The following IK variants were observed in gnomAD, a reference collection of about 807,000 sequenced individuals.
IK encodes protein Red.
A neutral mutation model predicts 90.9 loss-of-function variants in IK; 47 were observed. The ratio of observed to expected loss-of-function variants is 0.52; its 90% CI spans 0.41 to 0.66. The LOEUF (loss-of-function observed/expected upper bound fraction) is 0.66, where lower values mean the gene tolerates loss of function less well. Ranked by LOEUF, IK falls within the 30% of genes least tolerant of loss-of-function variation. The pLI, the probability that IK is intolerant of heterozygous loss-of-function variation, is 0.00. For synonymous variants in IK, 201 were observed against 227.5 expected (o/e 0.88, Z 1.05); for missense variants, 385 against 709.3 (o/e 0.54, Z 5.19).
At chr5:140,651,438 TAAA>T (rs79493817) in intron 2 of IK, among the ~76,000 whole-genome samples, 6 of 111,926 alleles carry the variant, frequency 5.4e-5, no homozygotes, top group African/African-American at 3.4e-5. Flanking sequence ...GACTCTGTCT[TAAA>T]AAAAAAAAAA....
Position 140,662,220 on chromosome 5 carries a change from G to A in IK, c.1646+7G>A, listed in dbSNP as rs771825972. ...AGAAGATGGAAGCTGATGGGTGAGC[G>A]GCATTATTCTTCCTCTGTGGGACTG... On this transcript the variant is annotated splice_region_variant and intron_variant, in intron 19 of 19. Coordinates refer to ENST00000417647, the MANE Select transcript of IK (RefSeq NM_006083.4). 4 of 1,613,818 alleles carry A rather than the reference G, an allele frequency of 2.5e-6. No individual in the cohort carries two copies. Among genetic ancestry groups the A allele is most frequent in the East Asian group, 4.5e-5 (2 of 44,884 alleles).
chr5:140,650,333 T>C (rs1757593902), intron 2 of IK, among the ~76,000 whole-genome samples: 1 of 152,176 alleles, frequency 6.6e-6, no homozygotes, highest in South Asian at 2.1e-4. Context: ...GGGAAAACTT[T>C]CTGTGAACTG....
chr5:140,662,418 GTGGA>G lies in IK; in HGVS notation c.*92_*95del. The G allele has an allele frequency of 1.5e-6, 2 of 1,363,696 alleles. No homozygotes were observed. Among genetic ancestry groups the G allele is most frequent in the South Asian group, 2.4e-5 (2 of 83,968 alleles). 84.5% of individuals were successfully genotyped at this position (1,363,696 alleles called of 1,614,324 possible). ...TCCAAAGGTTGCAAGATGTTTTTTT[GTGGA>G]TGAATATAAAATTTTATTGTGTAAT... On this transcript the variant is annotated 3_prime_UTR_variant, in exon 20 of 20. Transcript: ENST00000417647.
Position 140,659,626 on chromosome 5 carries a change from A to G in IK, c.1196-130A>G, listed in dbSNP as rs141054601. ...TCATCTCAACCAGAGTGACTCATTA[A>G]TTGGAGTTTGTTTAAAACTTTGTTA... On this transcript the variant is annotated intron_variant, in intron 13 of 19. Coordinates refer to ENST00000417647, the MANE Select transcript of IK (RefSeq NM_006083.4). 146 of 687,966 alleles carry G rather than the reference A, an allele frequency of 2.1e-4. No homozygotes were observed. In the East Asian group the frequency reaches 3.5e-3, roughly 17 times the overall value. The allele number at this position is 687,966 out of a possible 1,614,324, so 42.6% of individuals were successfully genotyped here. A position where few individuals can be genotyped will look rare whatever the true frequency, so the allele number is the denominator to read the frequency against.
At position 140,661,593 on chromosome 5, in the gene IK, C is replaced by G; in HGVS notation, c.1414-27C>G. ...ATTTCCACTGACATCTCTTCCTTCC[C>G]CATCCCCCGATTCTGTCCTGCAACA... On this transcript the variant is annotated intron_variant, in intron 16 of 19. Transcript: ENST00000417647. This position sits in a 1 kb window ranked among gnomAD's most constrained non-coding sequence, Gnocchi z 4.2. 1 of 1,519,704 alleles carries G rather than the reference C, an allele frequency of 6.6e-7. No individual in the cohort carries two copies. Among genetic ancestry groups the G allele is most frequent in the Non-Finnish European group, 9.0e-7 (1 of 1,107,524 alleles). 94.1% of individuals were successfully genotyped at this position (1,519,704 alleles called of 1,614,324 possible). A position where few individuals can be genotyped will look rare whatever the true frequency, so the allele number is the denominator to read the frequency against.
intron 15 of IK, 50 bp downstream of exon 15, chr5:140,660,245 G>A: frequency 8.9e-7 from 1 of 1,129,392 alleles, no homozygotes; most frequent in Non-Finnish European, 1.3e-6. Flanking sequence ...TGGGAAACAA[G>A]TTGGGGGTGA....
intron 4 of IK, among the ~76,000 whole-genome samples, chr5:140,652,530 T>G (rs1757630718): frequency 6.6e-6 from 1 of 152,198 alleles, no homozygotes; most frequent in Non-Finnish European, 1.5e-5. Flanking sequence ...ATCATCATTA[T>G]TATATCATCA....
At chr5:140,653,282 TG>T in intron 5 of IK, 138 bp downstream of exon 5, 2 of 612,996 alleles carry the variant, frequency 3.3e-6, no homozygotes, top group Non-Finnish European at 5.3e-6. Context: ...CACAAAGGGC[TG>T]TTCTTTTTTT....
intron 2 of IK, among the ~76,000 whole-genome samples, chr5:140,649,140 G>A (rs1025519719): frequency 2.0e-5 from 3 of 150,932 alleles, no homozygotes; most frequent in Non-Finnish European, 4.4e-5. Flanking sequence ...CCTGGCCCCC[G>A]ATAAAATCAT....
At chr5:140,656,743 A>G (rs1177427062) in intron 9 of IK, among the ~76,000 whole-genome samples, 1 of 152,222 alleles carries the variant, frequency 6.6e-6, no homozygotes. Context: ...CCATCCCGTT[A>G]AACATTTATC....
At position 140,654,024 on chromosome 5, in the gene IK, A is replaced by G. The variant is rs1163635836; in HGVS notation, c.491A>G (p.Lys164Arg). Reference sequence around the variant, plus strand: ...GACATGGAACACACCCATTTGGTGAAAGGCTTGGATTTTGCTCTGCTTCAA... The same window carrying G: ...GACATGGAACACACCCATTTGGTGAGAGGCTTGGATTTTGCTCTGCTTCAA... The part of the protein sequence containing the change: ...GGDMEHTHLV[K>R]GLDFALLQKV... The change falls in exon 6 of 20, where the codon AAA becomes AGA. Residue 164 changes from lysine to arginine, a missense_variant. Lys to Arg is a conservative substitution (Grantham distance 26, BLOSUM62 2). Transcript: ENST00000417647. 2 of 1,610,364 alleles carry G rather than the reference A, an allele frequency of 1.2e-6. No individual in the cohort carries two copies. The highest frequency in any genetic ancestry group is 3.3e-5 in the Admixed American group (2 of 59,990).
In IK at chr5:140,659,008, A is replaced by T. The variant is rs548127518; in HGVS notation, c.1020A>T (p.Arg340Ser). The T allele has an allele frequency of 6.2e-7, 1 of 1,613,732 alleles. No homozygotes were observed. The highest frequency in any genetic ancestry group is 8.5e-7 in the Non-Finnish European group (1 of 1,179,630). Residue 340 changes from arginine to serine, a missense_variant, in exon 12 of 20, where the codon AGA becomes AGT. This residue lies in a region of IK where 139 missense variants were observed against 172.0 expected (regional missense o/e 0.81). Coordinates refer to ENST00000417647, the MANE Select transcript of IK (RefSeq NM_006083.4). Reference protein sequence around the residue: ...TKTPRDKERERYRERERDRER... With the variant: ...TKTPRDKERESYRERERDRER... ...CACCTCGGGACAAGGAGCGGGAGAG[A>T]TATCGGGAACGGGAGCGTGATCGGG...
chr5:140,653,363 G>A (rs995410968), intron 5 of IK, among the ~76,000 whole-genome samples: 7 of 148,668 alleles, frequency 4.7e-5, no homozygotes, highest in Non-Finnish European at 8.9e-5. Flanking sequence ...CTTGGCTCAT[G>A]GCAAGCTCCG....
At position 140,661,974 on chromosome 5, in the gene IK, A is replaced by C; in HGVS notation, c.1578A>C (p.Ala526=). 6 of 1,611,084 alleles carry C rather than the reference A, an allele frequency of 3.7e-6. No individual in the cohort carries two copies. Among genetic ancestry groups the C allele is most frequent in the Non-Finnish European group, 5.1e-6 (6 of 1,178,564 alleles). Residue 526 remains alanine, a synonymous_variant, in exon 18 of 20, where the codon GCA becomes GCC. Coordinates refer to ENST00000417647, the MANE Select transcript of IK (RefSeq NM_006083.4). The surrounding 1 kb of genome is among the most constrained non-coding windows in gnomAD (Gnocchi z 4.2). ...GCTTCAAGGAAACCAATGACAAAGCAGAGCTTGATCGCCAGTGGAAGAAGA... is the reference window on the plus strand; with the variant it reads ...GCTTCAAGGAAACCAATGACAAAGCCGAGCTTGATCGCCAGTGGAAGAAGA... ...TRRFKETNDK[A]ELDRQWKKIS... is the part of the protein sequence containing the mutation.
intron 14 of IK, 107 bp downstream of exon 14, chr5:140,659,941 A>T: frequency 1.0e-6 from 1 of 970,534 alleles, no homozygotes; most frequent in Non-Finnish European, 1.6e-6. Context: ...CTTCCCTTTT[A>T]CGCTGAATTT....
chr5:140,652,098 G>C lies in IK; in HGVS notation c.187G>C (p.Glu63Gln). ...TCTCGTCTCTTCTAGGATGCCAAGG[G>C]AGTACAATGAGGATGAAGACCCAGC... Reference protein sequence around the residue: ...SKSRHHEMPREYNEDEDPAAR... With the variant: ...SKSRHHEMPRQYNEDEDPAAR... Residue 63 changes from glutamate to glutamine, a missense_variant, in exon 4 of 20, where the codon GAG (glutamate) becomes CAG (glutamine). Around this residue, in one of 8 missense-constraint regions of IK, gnomAD observed 64 missense variants for 144.6 expected, o/e 0.44. Transcript: ENST00000417647. 6.2e-7 allele frequency: 1 copy of C among 1,613,352 alleles called. No individual in the cohort carries two copies. Among genetic ancestry groups the C allele is most frequent in the African/African-American group, 1.3e-5 (1 of 75,010 alleles).
In IK at chr5:140,659,110, A is replaced by G. The variant is rs1757760145; in HGVS notation, c.1122A>G (p.Arg374=). The G allele has an allele frequency of 6.2e-7, 1 of 1,607,114 alleles. No homozygotes were observed. The highest frequency in any genetic ancestry group is 8.5e-7 in the Non-Finnish European group (1 of 1,176,710). Residue 374 remains arginine (R), a synonymous_variant, in exon 12 of 20, where the codon AGA becomes AGG. Coordinates refer to ENST00000417647, the MANE Select transcript of IK (RefSeq NM_006083.4). ...GAGAGCGAGAGCGGGACCGAGAGAGAGAAGAGGAAAAGAAGAGACACAGCT... is the reference window on the plus strand; with the variant it reads ...GAGAGCGAGAGCGGGACCGAGAGAGGGAAGAGGAAAAGAAGAGACACAGCT... The part of the protein sequence containing the change: ...RERERERDRE[R]EEEKKRHSYF...
chr5:140,655,789 T>C, intron 8 of IK, 40 bp from the exon 9 acceptor site: 1 of 1,594,428 alleles, frequency 6.3e-7, no homozygotes, highest in Non-Finnish European at 8.6e-7. Context: ...CAGCTGTTCT[T>C]GTAGATCCTG....
chr5:140,649,290 C>T (rs577598658), intron 2 of IK, among the ~76,000 whole-genome samples: 6 of 150,308 alleles, frequency 4.0e-5, no homozygotes, highest in Admixed American at 4.0e-4. Context: ...CTCACTGCAA[C>T]CTCTGCCTCC....
Sources: allele counts gnomAD v4.1 joint callset (sites outside exome capture counted in the v4.1 genomes callset), GRCh38; gene constraint gnomAD v4.1.1; regional missense constraint gnomAD v4.1.1; non-coding constraint Gnocchi (gnomAD v3.1); transcripts MANE v1.5; gene names NCBI Gene and HGNC (gene_info 2026-07-23, HGNC 2026-07-21).